The following APBA2 variants were observed in gnomAD, a reference collection of about 807,000 sequenced individuals.
The protein encoded by APBA2 is amyloid beta precursor protein binding family A member 2.
A neutral mutation model predicts 75.0 loss-of-function variants in APBA2; 30 were observed. The observed-to-expected ratio is 0.40, with a 90% CI of 0.30 to 0.54. The LOEUF (loss-of-function observed/expected upper bound fraction) is 0.54. Ranked by LOEUF, APBA2 falls within the 20% of genes least tolerant of loss-of-function variation. APBA2 has a pLI of 0.49. For synonymous variants in APBA2, 444 were observed against 409.6 expected, an observed-to-expected ratio of 1.08 and a Z score of -1.01; for missense variants, 801 against 1,016.1, an observed-to-expected ratio of 0.79 and a Z score of 2.88.
intron 9 of APBA2, among the ~76,000 whole-genome samples, chr15:29,099,267 C>T (rs4779774): frequency 0.67 from 101,410 of 152,142 alleles, 39,046 homozygotes; most frequent in Non-Finnish European, 0.85. Context: ...CCCAAGACCA[C>T]CACAGGCTGG....
intron 1 of APBA2, among the ~76,000 whole-genome samples, chr15:28,897,979 A>T (rs1336640974): frequency 1.3e-5 from 2 of 152,194 alleles, no homozygotes; most frequent in African/African-American, 4.8e-5. Flanking sequence ...GCCATCCTCA[A>T]GGATCGTATA....
intron 3 of APBA2, among the ~76,000 whole-genome samples, chr15:29,044,862 A>T (rs1352774066): frequency 6.6e-6 from 1 of 152,180 alleles, no homozygotes; most frequent in Non-Finnish European, 1.5e-5. Context: ...AACAGCAGAC[A>T]TTTATTTCTC....
At chr15:28,934,886 C>T (rs986322163) in intron 2 of APBA2, among the ~76,000 whole-genome samples, 5 of 152,208 alleles carry the variant, frequency 3.3e-5, no homozygotes, top group African/African-American at 1.2e-4. Flanking sequence ...GGAAGGGAGG[C>T]AGGTCCCTGA....
intron 2 of APBA2, among the ~76,000 whole-genome samples, chr15:28,985,273 A>G (rs2037859354): frequency 6.6e-6 from 1 of 152,192 alleles, no homozygotes; most frequent in Non-Finnish European, 1.5e-5. Context: ...GGGCCAGGGC[A>G]CACAATGCTT....
intron 1 of APBA2, among the ~76,000 whole-genome samples, chr15:28,893,707 C>T (rs766269960): frequency 4.6e-5 from 7 of 152,198 alleles, no homozygotes; most frequent in South Asian, 2.1e-4. Flanking sequence ...GTTGGATGTG[C>T]GGTTGTTGGG....
chr15:28,925,522 G>A (rs2034211851), intron 2 of APBA2, among the ~76,000 whole-genome samples: 1 of 152,114 alleles, frequency 6.6e-6, no homozygotes. Context: ...TAATTCTATT[G>A]TAGTCTGAGA....
chr15:28,888,411 G>T (rs1297411535), intron 1 of APBA2, among the ~76,000 whole-genome samples: 1 of 152,224 alleles, frequency 6.6e-6, no homozygotes, highest in African/African-American at 2.4e-5. Flanking sequence ...TTGGGCGGCG[G>T]TGGCTGTGGT....
intron 3 of APBA2, among the ~76,000 whole-genome samples, chr15:28,996,016 G>T (rs74724785): frequency 6.6e-6 from 1 of 152,042 alleles, no homozygotes; most frequent in Non-Finnish European, 1.5e-5. Context: ...CACTGGGGAC[G>T]CTTCTGGCAC....
chr15:29,059,168 G>T (rs28609987), intron 4 of APBA2, among the ~76,000 whole-genome samples: 1,572 of 152,260 alleles, frequency 0.01, 31 homozygotes, highest in African/African-American at 0.036. Flanking sequence ...ACTGTAAACA[G>T]CTGTTCTTTT....
At chr15:28,959,538 G>A (rs577053891) in intron 2 of APBA2, among the ~76,000 whole-genome samples, 1 of 152,010 alleles carries the variant, frequency 6.6e-6, no homozygotes, top group South Asian at 2.1e-4. Flanking sequence ...GCCAAGGAGC[G>A]AGGCCTCCTG....
chr15:28,964,888 G>A (rs766482855), intron 2 of APBA2, among the ~76,000 whole-genome samples: 3 of 151,908 alleles, frequency 2.0e-5, no homozygotes, highest in Non-Finnish European at 2.9e-5. Flanking sequence ...TACGTGATTT[G>A]CAAATAATTT....
intron 3 of APBA2, among the ~76,000 whole-genome samples, chr15:29,014,485 A>G (rs1357722071): frequency 1.3e-5 from 2 of 152,230 alleles, no homozygotes; most frequent in African/African-American, 4.8e-5. Flanking sequence ...CTTGCCATTT[A>G]AATTTAATTT....
chr15:28,889,324 C>CT (rs1180908298), intron 1 of APBA2, among the ~76,000 whole-genome samples: 1 of 152,226 alleles, frequency 6.6e-6, no homozygotes, highest in African/African-American at 2.4e-5. Flanking sequence ...ACCCTACGTA[C>CT]TGGTGGGGTG....
At chr15:29,104,265 C>T (rs879788039) in intron 10 of APBA2, among the ~76,000 whole-genome samples, 1 of 152,204 alleles carries the variant, frequency 6.6e-6, no homozygotes, top group East Asian at 1.9e-4. Flanking sequence ...TGGGGAGGCA[C>T]GTGAGGAGCA....
chr15:28,948,507 C>CA (rs1397641530), intron 2 of APBA2, among the ~76,000 whole-genome samples: 1 of 152,138 alleles, frequency 6.6e-6, no homozygotes, highest in Non-Finnish European at 1.5e-5. Flanking sequence ...GTGATGGGGA[C>CA]ACGCCTGTTG....
In APBA2 at chr15:29,010,006, A is replaced by G. The variant is rs868833653; in HGVS notation, c.-41+14200A>G. ...CCTTTTTCTGACGTGATTGTACCCAATTACACTCCCACCTGCAAATAGGAG... is the reference window on the plus strand; with the variant it reads ...CCTTTTTCTGACGTGATTGTACCCAGTTACACTCCCACCTGCAAATAGGAG... On this transcript the variant is annotated intron_variant, in intron 3 of 14. Coordinates refer to ENST00000683413, the MANE Select transcript of APBA2 (RefSeq NM_001353788.2). Among the ~76,000 whole-genome samples the G allele has an allele frequency of 5.3e-5, 8 of 152,238 alleles. 1 individual carries two copies. The highest frequency in any genetic ancestry group is 4.8e-5 in the African/African-American group (2 of 41,554).
intron 4 of APBA2, among the ~76,000 whole-genome samples, chr15:29,063,938 G>A (rs1352802890): frequency 6.6e-6 from 1 of 152,036 alleles, no homozygotes; most frequent in Non-Finnish European, 1.5e-5. Flanking sequence ...GAGCTGCTGG[G>A]GGTGAGGTCG....
rs548662826 is a variant in APBA2, at chr15:28,981,233, T to C, written c.-94-14520T>C. On this transcript the variant is annotated intron_variant, in intron 2 of 14. Transcript: ENST00000683413. ...AAGAGTAAACAGACAACCTACAGAA[T>C]GGGAGAAAATACAAACTATGCATCC... Among the ~76,000 whole-genome samples the C allele has an allele frequency of 2.0e-5, 3 of 152,196 alleles. No homozygotes were observed. The East Asian group carries it at 5.8e-4, about 29-fold the overall frequency.
chr15:28,923,190 A>C (rs2034069073), intron 2 of APBA2, among the ~76,000 whole-genome samples: 1 of 152,182 alleles, frequency 6.6e-6, no homozygotes, highest in Non-Finnish European at 1.5e-5. Context: ...TATGAAAAAA[A>C]TAGCAGACCC....
Sources: gnomAD v4.1 joint callset for allele counts (sites outside exome capture counted in the v4.1 genomes callset) on GRCh38, gnomAD v4.1.1 for gene constraint, MANE v1.5 for transcripts, NCBI Gene and HGNC (gene_info 2026-07-23, HGNC 2026-07-21) for gene names.